PTCHD4: variants seen among roughly 807,000 people sequenced by gnomAD.
PTCHD4 encodes patched domain containing 4.
In PTCHD4, 33 loss-of-function variants were observed where a neutral mutation model predicts 58.1. The ratio of observed to expected loss-of-function variants is 0.57; its 90% CI spans 0.43 to 0.76. The LOEUF is 0.76. Ranked by LOEUF, PTCHD4 falls within the 30% of genes least tolerant of loss-of-function variation. The probability of loss-of-function intolerance (pLI) is 0.00; values close to 1 mark genes in which losing one functional copy is unlikely to be tolerated. For synonymous variants in PTCHD4, 478 were observed against 409.6 expected, an observed-to-expected ratio of 1.17 and a Z score of -2.02; for missense variants, 1,058 against 1,027.1, an observed-to-expected ratio of 1.03 and a Z score of -0.41.
At chr6:48,003,383 C>T (rs1452344261) in intron 4 of PTCHD4, among the ~76,000 whole-genome samples, 2 of 152,152 alleles carry the variant, frequency 1.3e-5, no homozygotes, top group Non-Finnish European at 2.9e-5. Context: ...TGCATTCTAT[C>T]ACTTATTTGG....
intron 3 of PTCHD4, among the ~76,000 whole-genome samples, chr6:48,054,899 A>G (rs1010209837): frequency 3.9e-5 from 6 of 152,152 alleles, no homozygotes; most frequent in African/African-American, 1.4e-4. Context: ...ACTAGCTACA[A>G]TTTATTTTAA....
At chr6:48,022,006 G>A (rs113349455) in intron 3 of PTCHD4, among the ~76,000 whole-genome samples, 23 of 152,118 alleles carry the variant, frequency 1.5e-4, no homozygotes, top group Non-Finnish European at 2.6e-4. Context: ...AATCAATAAC[G>A]TAGCCTTTAT....
In PTCHD4 at chr6:47,916,804, A is replaced by T. The variant is rs139095431; in HGVS notation, c.899-36868T>A. Among the ~76,000 whole-genome samples the T allele has an allele frequency of 1.4e-3, 209 of 152,282 alleles. 3 individuals carry two copies. The highest frequency in any genetic ancestry group is 4.8e-3 in the African/African-American group (198 of 41,584). ...ACAGGCTGAATTGTAATAACTAAAA[A>T]GTTTTTCACCTAAAGTTATAGAATC... On this transcript the variant is annotated intron_variant, in intron 4 of 4. Transcript: ENST00000339488.
intron 4 of PTCHD4, among the ~76,000 whole-genome samples, chr6:47,952,810 T>C (rs1047810608): frequency 7.9e-5 from 12 of 152,018 alleles, no homozygotes; most frequent in Admixed American, 5.2e-4. Flanking sequence ...GTTTGCACAG[T>C]GACAAAATCA....
At chr6:47,950,280 T>G (rs1348860622) in intron 4 of PTCHD4, among the ~76,000 whole-genome samples, 1 of 151,988 alleles carries the variant, frequency 6.6e-6, no homozygotes, top group East Asian at 1.9e-4. Flanking sequence ...AATTACACCT[T>G]AAAGAGCACT....
At chr6:47,974,032 C>T (rs114828179) in intron 4 of PTCHD4, among the ~76,000 whole-genome samples, 2,605 of 152,164 alleles carry the variant, frequency 0.017, 37 homozygotes, top group South Asian at 0.047. Context: ...TAGGTGACGA[C>T]GGGCAATACA....
rs1765253581 is a variant in PTCHD4, at chr6:48,085,852, A to T, written c.-969-15926T>A. 2.6e-5 allele frequency among the ~76,000 whole-genome samples: 4 copies of T among 152,238 alleles called. No homozygotes were observed. In the South Asian group the frequency reaches 8.3e-4, roughly 32 times the overall value. On this transcript the variant is annotated intron_variant, in intron 1 of 4. Coordinates refer to ENST00000339488, the MANE Select transcript of PTCHD4 (RefSeq NM_001384253.1). ...TGAGTTAGGGATGTGATGCGTGCTTAGTCTGGTAATGGCAATATTTTATTC... is the reference window on the plus strand; with the variant it reads ...TGAGTTAGGGATGTGATGCGTGCTTTGTCTGGTAATGGCAATATTTTATTC...
chr6:47,884,362 CT>C (rs1449027451), intron 4 of PTCHD4, among the ~76,000 whole-genome samples: 1 of 152,146 alleles, frequency 6.6e-6, no homozygotes, highest in Non-Finnish European at 1.5e-5. Flanking sequence ...TTTCGAGCAT[CT>C]GCTCTCTTGA....
chr6:48,108,281 A>T (rs979201986), intron 1 of PTCHD4, among the ~76,000 whole-genome samples: 1 of 152,190 alleles, frequency 6.6e-6, no homozygotes, highest in African/African-American at 2.4e-5. Context: ...ATAAAAAATG[A>T]TGAGTTCATG....
intron 1 of PTCHD4, among the ~76,000 whole-genome samples, chr6:48,095,614 G>A (rs964343614): frequency 6.6e-6 from 1 of 151,866 alleles, no homozygotes; most frequent in African/African-American, 2.4e-5. Flanking sequence ...GGCTGAACCC[G>A]GGAGGCAGAG....
Position 48,068,137 on chromosome 6 carries a change from C to T in PTCHD4, c.417+93G>A. On this transcript the variant is annotated intron_variant, in intron 3 of 4. Transcript: ENST00000339488. The surrounding 1 kb of genome is among the most constrained non-coding windows in gnomAD (Gnocchi z 4.2). ...CGGCAGCCTGCCTGAGATCCTCTAG[C>T]ACTGAAATAATATCATCCAGCACGC... 1 of 1,362,652 alleles carries T rather than the reference C, an allele frequency of 7.3e-7. No individual in the cohort carries two copies. The highest frequency in any genetic ancestry group is 1.0e-6 in the Non-Finnish European group (1 of 999,280). 84.4% of individuals were successfully genotyped at this position (1,362,652 alleles called of 1,614,324 possible). A position where few individuals can be genotyped will look rare whatever the true frequency, so the allele number is the denominator to read the frequency against.
At chr6:47,896,077 G>A (rs1318174062) in intron 4 of PTCHD4, among the ~76,000 whole-genome samples, 8 of 152,226 alleles carry the variant, frequency 5.3e-5, no homozygotes, top group Admixed American at 4.6e-4. Context: ...GCAGACTGAG[G>A]TTTTGGGGAG....
At chr6:48,087,414 C>T (rs946567681) in intron 1 of PTCHD4, among the ~76,000 whole-genome samples, 1 of 152,086 alleles carries the variant, frequency 6.6e-6, no homozygotes, top group African/African-American at 2.4e-5. Context: ...ACAAAATTGT[C>T]TACTAATATA....
chr6:48,081,146 C>T (rs998091140), intron 1 of PTCHD4, among the ~76,000 whole-genome samples: 2 of 152,132 alleles, frequency 1.3e-5, no homozygotes, highest in Admixed American at 6.5e-5. Flanking sequence ...AAAACCCTAC[C>T]TATGAAGGTA....
intron 1 of PTCHD4, among the ~76,000 whole-genome samples, chr6:48,105,378 A>G (rs1267768165): frequency 2.6e-5 from 4 of 152,216 alleles, no homozygotes; most frequent in Non-Finnish European, 4.4e-5. Flanking sequence ...GAAGGCAGAA[A>G]TAAAGATGTT....
intron 4 of PTCHD4, among the ~76,000 whole-genome samples, chr6:47,960,701 G>T (rs1767050696): frequency 6.6e-6 from 1 of 151,672 alleles, no homozygotes; most frequent in African/African-American, 2.4e-5. Flanking sequence ...TGAAACATTA[G>T]AAGGACTAGT....
rs558778044 is a variant in PTCHD4, at chr6:48,001,210, C to G, written c.898+7424G>C. Among the ~76,000 whole-genome samples the G allele has an allele frequency of 4.7e-4, 71 of 152,216 alleles. 1 individual carries two copies. The highest frequency in any genetic ancestry group is 3.4e-3 in the Middle Eastern group (1 of 294). On this transcript the variant is annotated intron_variant, in intron 4 of 4. Transcript: ENST00000339488. ...GGTAATTTATAGATTCAATGCCATC[C>G]CCATCAAGCTACCAATGACTTTCTT...
At chr6:48,107,844 G>GA (rs1265385366) in intron 1 of PTCHD4, among the ~76,000 whole-genome samples, 4 of 152,178 alleles carry the variant, frequency 2.6e-5, no homozygotes, top group African/African-American at 9.7e-5. Flanking sequence ...AAAAACACAT[G>GA]AAAAAATGTT....
At chr6:47,890,888 T>C (rs988379692) in intron 4 of PTCHD4, 1 of 984,464 alleles carries the variant, frequency 1.0e-6, no homozygotes, top group African/African-American at 1.7e-5. Flanking sequence ...TTTTTCTCTG[T>C]ACCTTCCATG....
Sources: allele counts gnomAD v4.1 joint callset (sites outside exome capture counted in the v4.1 genomes callset), GRCh38; gene constraint gnomAD v4.1.1; non-coding constraint Gnocchi (gnomAD v3.1); transcripts MANE v1.5; gene names NCBI Gene and HGNC (gene_info 2026-07-23, HGNC 2026-07-21).